FAM210A: variants seen among roughly 807,000 people sequenced by gnomAD.
The protein encoded by FAM210A is family with sequence similarity 210 member A.
In FAM210A, 13 loss-of-function variants were observed where a neutral mutation model predicts 25.3. That is an observed-to-expected ratio of 0.51 (90% CI 0.33 to 0.82). The LOEUF (loss-of-function observed/expected upper bound fraction) is 0.82. FAM210A is among the 40% of genes least tolerant of loss of function. The probability of loss-of-function intolerance (pLI) is 0.02; values close to 1 mark genes in which losing one functional copy is unlikely to be tolerated. For synonymous variants in FAM210A, 125 were observed against 118.7 expected, an observed-to-expected ratio of 1.05 and a Z score of -0.35; for missense variants, 319 against 323.2, an observed-to-expected ratio of 0.99 and a Z score of 0.10.
intron 2 of FAM210A, among the ~76,000 whole-genome samples, chr18:13,673,003 T>C (rs976489899): frequency 1.1e-4 from 17 of 150,330 alleles, no homozygotes; most frequent in Non-Finnish European, 2.5e-4. Context: ...ACCCGACTTC[T>C]TTTATTTCCA....
chr18:13,721,505 T>C (rs2043897314), intron 1 of FAM210A, among the ~76,000 whole-genome samples: 1 of 152,348 alleles, frequency 6.6e-6, no homozygotes, highest in Middle Eastern at 3.4e-3. Flanking sequence ...CACTCATCTC[T>C]GCAATTCCTC....
chr18:13,690,905 C>G (rs1205779296), intron 1 of FAM210A, among the ~76,000 whole-genome samples: 1 of 152,204 alleles, frequency 6.6e-6, no homozygotes, highest in Non-Finnish European at 1.5e-5. Flanking sequence ...CGGAGAATGA[C>G]TTTGACAAGT....
intron 1 of FAM210A, among the ~76,000 whole-genome samples, chr18:13,706,496 A>G (rs1209588862): frequency 6.6e-6 from 1 of 152,232 alleles, no homozygotes. Flanking sequence ...TTAATGGTAC[A>G]TATGTTGCCT....
intron 2 of FAM210A, among the ~76,000 whole-genome samples, chr18:13,680,745 T>C (rs1263109951): frequency 2.6e-5 from 4 of 152,186 alleles, no homozygotes; most frequent in Admixed American, 1.3e-4. Context: ...TTTACTGAAG[T>C]GTCTAAGTCC....
At position 13,681,392 on chromosome 18, in the gene FAM210A, T is replaced by C. The variant is rs761615767; in HGVS notation, c.473+213A>G. On this transcript the variant is annotated intron_variant, in intron 2 of 3. Transcript: ENST00000651643. Reference sequence around the variant, plus strand: ...TTGCTTTATATGGTTGCTGGGAGGATTAAATAAGATGAAACAGTTAAAAAC... The same window carrying C: ...TTGCTTTATATGGTTGCTGGGAGGACTAAATAAGATGAAACAGTTAAAAAC... Among the ~76,000 whole-genome samples, 2 of 152,246 alleles carry C rather than the reference T, an allele frequency of 1.3e-5. 1 individual carries two copies. The highest frequency in any genetic ancestry group is 4.1e-4 in the South Asian group (2 of 4,824).
chr18:13,672,705 G>A (rs1225694314), intron 2 of FAM210A, among the ~76,000 whole-genome samples: 2 of 152,170 alleles, frequency 1.3e-5, no homozygotes, highest in East Asian at 3.8e-4. Context: ...ACAGTGCCCA[G>A]CCAATTACAT....
rs76854156 is a variant in FAM210A at position 13,666,846 on chromosome 18, G to A, written c.586-133C>T. The A allele has an allele frequency of 4.7e-3, 3,436 of 723,694 alleles. 87 individuals carry two copies. In the African/African-American group the frequency reaches 0.056, roughly 12 times the overall value. The allele number at this position is 723,694 out of a possible 1,614,324, so 44.8% of individuals were successfully genotyped here. On this transcript the variant is annotated intron_variant, in intron 3 of 3. Transcript: ENST00000651643. ...TGCCTCATTGTTTCACAAAGCTAATGTAGTAATATCCTATATGGTTTTCCC... is the reference window on the plus strand; with the variant it reads ...TGCCTCATTGTTTCACAAAGCTAATATAGTAATATCCTATATGGTTTTCCC...
At chr18:13,711,356 C>G (rs1308203292) in intron 1 of FAM210A, among the ~76,000 whole-genome samples, 1 of 152,024 alleles carries the variant, frequency 6.6e-6, no homozygotes, top group Non-Finnish European at 1.5e-5. Context: ...GGGGAACAGA[C>G]AGGCTCAATC....
chr18:13,692,966 T>C (rs1295959086), intron 1 of FAM210A, among the ~76,000 whole-genome samples: 4 of 152,164 alleles, frequency 2.6e-5, no homozygotes, highest in Non-Finnish European at 5.9e-5. Context: ...GGAGCTGGTT[T>C]TTTGGAAAGA....
intron 1 of FAM210A, among the ~76,000 whole-genome samples, chr18:13,685,156 T>C (rs1285434014): frequency 1.3e-5 from 2 of 152,046 alleles, no homozygotes; most frequent in African/African-American, 4.8e-5. Context: ...ATCAGAGGGG[T>C]TTTATTTAAC....
chr18:13,686,426 C>A (rs1172950646), intron 1 of FAM210A, among the ~76,000 whole-genome samples: 1 of 152,228 alleles, frequency 6.6e-6, no homozygotes, highest in Non-Finnish European at 1.5e-5. Context: ...AATGCTACGT[C>A]TGTAAACCAG....
chr18:13,690,042 C>T (rs1390973983), intron 1 of FAM210A, among the ~76,000 whole-genome samples: 1 of 152,196 alleles, frequency 6.6e-6, no homozygotes, highest in African/African-American at 2.4e-5. Flanking sequence ...CGTGGAAAAT[C>T]GGGACTCTCC....
intron 1 of FAM210A, among the ~76,000 whole-genome samples, chr18:13,702,190 AC>A (rs1459125043): frequency 6.6e-6 from 1 of 152,238 alleles, no homozygotes; most frequent in African/African-American, 2.4e-5. Flanking sequence ...AGGCTTTCTT[AC>A]CAGTCAGACT....
At chr18:13,683,639 G>A (rs1249956077) in intron 1 of FAM210A, among the ~76,000 whole-genome samples, 12 of 150,034 alleles carry the variant, frequency 8.0e-5, no homozygotes, top group Non-Finnish European at 1.3e-4. Context: ...GGTTCTCCCA[G>A]TGGTAAATGT....
intron 1 of FAM210A, among the ~76,000 whole-genome samples, chr18:13,710,706 G>T (rs2043814384): frequency 6.6e-6 from 1 of 152,104 alleles, no homozygotes; most frequent in African/African-American, 2.4e-5. Context: ...CCAGAGACAG[G>T]CTGGGCACAC....
chr18:13,676,568 C>A (rs1247038263), intron 2 of FAM210A, among the ~76,000 whole-genome samples: 1 of 152,240 alleles, frequency 6.6e-6, no homozygotes, highest in Non-Finnish European at 1.5e-5. Context: ...TGACCCTTCG[C>A]CCCTAAATCA....
chr18:13,717,105 T>G (rs2043867090), intron 1 of FAM210A, among the ~76,000 whole-genome samples: 1 of 152,228 alleles, frequency 6.6e-6, no homozygotes, highest in Admixed American at 6.5e-5. Flanking sequence ...GAAGCAAGGC[T>G]GGGGTGGATA....
chr18:13,720,996 T>C (rs2149072066), intron 1 of FAM210A, among the ~76,000 whole-genome samples: 1 of 152,288 alleles, frequency 6.6e-6, no homozygotes, highest in East Asian at 1.9e-4. Context: ...TTGTGTTGGA[T>C]TAGGGGCCCA....
At chr18:13,692,584 C>G (rs575981878) in intron 1 of FAM210A, among the ~76,000 whole-genome samples, 1 of 152,182 alleles carries the variant, frequency 6.6e-6, no homozygotes, top group Non-Finnish European at 1.5e-5. Context: ...CAAACTAGAA[C>G]TCAGGATTAA....
Sources: allele counts gnomAD v4.1 joint callset (sites outside exome capture counted in the v4.1 genomes callset), GRCh38; gene constraint gnomAD v4.1.1; transcripts MANE v1.5; gene names NCBI Gene and HGNC (gene_info 2026-07-23, HGNC 2026-07-21).